Variants in ARMH1 observed in about 807,000 individuals in gnomAD.
ARMH1 encodes armadillo-like helical domain containing protein 1.
ARMH1 carries 34 observed loss-of-function variants against 50.2 expected under a neutral mutation model. The ratio of observed to expected loss-of-function variants is 0.68; its 90% CI spans 0.51 to 0.90. The LOEUF (loss-of-function observed/expected upper bound fraction) is 0.90, where lower values mean the gene tolerates loss of function less well. ARMH1 is among the 40% of genes least tolerant of loss of function. The probability of loss-of-function intolerance (pLI) is 0.00; values close to 1 mark genes in which losing one functional copy is unlikely to be tolerated. For synonymous variants in ARMH1, 221 were observed against 224.2 expected (o/e 0.99, Z 0.13); for missense variants, 538 against 553.9 (o/e 0.97, Z 0.29).
chr1:44,677,618 G>A (rs1021489134), intron 1 of ARMH1, among the ~76,000 whole-genome samples: 1 of 152,224 alleles, frequency 6.6e-6, no homozygotes, highest in African/African-American at 2.4e-5. Context: ...GGTCCACTGT[G>A]TGGCCGTGGG....
Position 44,724,815 on chromosome 1 carries a change from G to A in ARMH1, c.1104G>A (p.Gly368=). ...LVAEHVRKCM[G]EELYQLFLSN... is the part of the protein sequence containing the mutation. ...CGGAGCACGTGCGCAAGTGCATGGG[G>A]GAGGAACTCTACCAGCTCTTCCTGG... is the stretch of plus-strand genomic sequence containing the variant. Residue 368 remains glycine (G), a synonymous_variant, in exon 10 of 12, where the codon GGG becomes GGA. Transcript: ENST00000535358. This position sits in a 1 kb window ranked among gnomAD's most constrained non-coding sequence, Gnocchi z 6.4. 1.3e-6 allele frequency: 2 copies of A among 1,542,770 alleles called. No homozygotes were observed. Among genetic ancestry groups the A allele is most frequent in the Middle Eastern group, 1.8e-4 (1 of 5,672 alleles).
chr1:44,712,688 G>T (rs1250727897), intron 6 of ARMH1, among the ~76,000 whole-genome samples: 1 of 150,200 alleles, frequency 6.7e-6, no homozygotes, highest in Non-Finnish European at 1.5e-5. Flanking sequence ...TTTTGAGATG[G>T]AGTCTTGCTC....
intron 6 of ARMH1, chr1:44,721,739 G>T (rs564917891): frequency 4.6e-5 from 7 of 152,088 alleles, no homozygotes; most frequent in East Asian, 1.9e-4. Flanking sequence ...ACCTCCCAAA[G>T]CATGAAACAC....
intron 6 of ARMH1, among the ~76,000 whole-genome samples, chr1:44,707,696 A>G (rs1000171892): frequency 6.6e-6 from 1 of 152,210 alleles, no homozygotes; most frequent in African/African-American, 2.4e-5. Flanking sequence ...TGCTGGGATC[A>G]CAAGCGCAAG....
At chr1:44,723,851 G>GC (rs901844450) in intron 6 of ARMH1, 3 of 393,108 alleles carry the variant, frequency 7.6e-6, no homozygotes, top group Admixed American at 9.0e-5. Flanking sequence ...CAAGGCGAAG[G>GC]CCCCCCTCTC....
chr1:44,698,029 A>G (rs1233776771), intron 3 of ARMH1, 34 bp from the exon 4 acceptor site: 2 of 1,492,730 alleles, frequency 1.3e-6, no homozygotes, highest in Admixed American at 2.2e-5. Context: ...ACTTGACAAG[A>G]GTTTTATTTC....
chr1:44,710,486 G>A (rs1001997141), intron 6 of ARMH1, among the ~76,000 whole-genome samples: 2 of 151,628 alleles, frequency 1.3e-5, no homozygotes, highest in African/African-American at 4.8e-5. Context: ...GTGGGCGCCT[G>A]TAGTCTCAGC....
chr1:44,680,316 A>G (rs1337201112), intron 1 of ARMH1, among the ~76,000 whole-genome samples: 1 of 152,188 alleles, frequency 6.6e-6, no homozygotes, highest in African/African-American at 2.4e-5. Context: ...AGCTGGGACT[A>G]CAGGCGCGTG....
At chr1:44,688,247 T>A (rs1281525320) in intron 1 of ARMH1, 1 of 152,370 alleles carries the variant, frequency 6.6e-6, no homozygotes, top group Non-Finnish European at 1.5e-5. Flanking sequence ...ATTTCGTGGT[T>A]ATCTCCATCC....
intron 1 of ARMH1, among the ~76,000 whole-genome samples, chr1:44,678,585 C>T (rs1203625330): frequency 1.3e-5 from 2 of 152,098 alleles, no homozygotes; most frequent in African/African-American, 4.8e-5. Flanking sequence ...TAATGTTTCT[C>T]TCTCCCTATC....
chr1:44,705,238 T>A (rs61789887), intron 6 of ARMH1, among the ~76,000 whole-genome samples: 19,582 of 151,780 alleles, frequency 0.13, 1,591 homozygotes, highest in Admixed American at 0.21. Context: ...CGCCTGTAAT[T>A]CCACCATTTT....
chr1:44,708,184 C>T (rs531949520), intron 6 of ARMH1, among the ~76,000 whole-genome samples: 6 of 152,316 alleles, frequency 3.9e-5, no homozygotes, highest in South Asian at 2.1e-4. Context: ...AAAGTTCCTA[C>T]GGGTCCTACA....
At position 44,724,547 on chromosome 1, in the gene ARMH1, C is replaced by T. The variant is rs1647961872; in HGVS notation, c.929C>T (p.Ala310Val). ...AAAAKAIGVL[A>V]RNDMSIAEEL... ...CCGAACCCCCGGCCCAGGGTCCTGG[C>T]GCGCAACGACATGAGCATCGCCGAG... The change falls in exon 9 of 12, where the codon GCG becomes GTG. Residue 310 changes from alanine to valine, a missense_variant. Ala to Val is a moderately conservative substitution (Grantham distance 64). Coordinates refer to ENST00000535358, the MANE Select transcript of ARMH1 (RefSeq NM_001145636.2). This position sits in a 1 kb window ranked among gnomAD's most constrained non-coding sequence, Gnocchi z 6.4. The T allele has an allele frequency of 1.3e-6, 2 of 1,510,278 alleles. No individual in the cohort carries two copies. Among genetic ancestry groups the T allele is most frequent in the African/African-American group, 1.4e-5 (1 of 69,236 alleles). The allele number at this position is 1,510,278 out of a possible 1,614,324, so 93.6% of individuals were successfully genotyped here. A position where few individuals can be genotyped will look rare whatever the true frequency, so the allele number is the denominator to read the frequency against.
chr1:44,702,047 A>G (rs940798581), intron 5 of ARMH1, among the ~76,000 whole-genome samples: 3 of 151,982 alleles, frequency 2.0e-5, no homozygotes, highest in South Asian at 2.1e-4. Flanking sequence ...CGAGGCTGCA[A>G]TGAGCTATGA....
chr1:44,704,182 C>A lies in ARMH1; in HGVS notation c.724+9C>A. Reference sequence around the variant, plus strand: ...GGAAGTCCAGTATGAAGGTAGGGAGCCTCCAGATTGCAGAAGGGGGCACCG... The same window carrying A: ...GGAAGTCCAGTATGAAGGTAGGGAGACTCCAGATTGCAGAAGGGGGCACCG... On this transcript the variant is annotated intron_variant, in intron 6 of 11. Coordinates refer to ENST00000535358, the MANE Select transcript of ARMH1 (RefSeq NM_001145636.2). 6.5e-7 allele frequency: 1 copy of A among 1,549,248 alleles called. No individual in the cohort carries two copies. Among genetic ancestry groups the A allele is most frequent in the South Asian group, 1.2e-5 (1 of 83,994 alleles).
rs1337918152 is a variant in ARMH1 at position 44,683,893 on chromosome 1, C to T, written c.-22-5783C>T. Among the ~76,000 whole-genome samples the T allele has an allele frequency of 6.6e-6, 1 of 152,090 alleles. No homozygotes were observed. The highest frequency in any genetic ancestry group is 1.5e-5 in the Non-Finnish European group (1 of 68,028). ...TTAGGCAGGGTGCGGTGGCTCACAC[C>T]TGTAATTCCAGCACTTTGGGAGGCC... On this transcript the variant is annotated intron_variant, in intron 1 of 11. Transcript: ENST00000535358. The surrounding 1 kb of genome is among the most constrained non-coding windows in gnomAD (Gnocchi z 4.2).
At chr1:44,684,269 G>T (rs559262474) in intron 1 of ARMH1, 1 of 152,162 alleles carries the variant, frequency 6.6e-6, no homozygotes, top group African/African-American at 2.4e-5. Flanking sequence ...TAGTTAATGG[G>T]TCTTTTTTTA....
chr1:44,696,325 C>T lies in ARMH1; in HGVS notation c.207-777C>T, dbSNP rs544372016. Among the ~76,000 whole-genome samples the T allele has an allele frequency of 3.3e-5, 5 of 152,304 alleles. 1 individual carries two copies. The South Asian group carries it at 6.2e-4, about 19-fold the overall frequency. On this transcript the variant is annotated intron_variant, in intron 2 of 11. Coordinates refer to ENST00000535358, the MANE Select transcript of ARMH1 (RefSeq NM_001145636.2). ...CATTACCTCCAAACCATTACATTAG[C>T]CTTTATCAGCCTTGGAAGCTCTCAG...
At chr1:44,719,543 G>A (rs1397290542) in intron 6 of ARMH1, among the ~76,000 whole-genome samples, 3 of 152,248 alleles carry the variant, frequency 2.0e-5, no homozygotes, top group African/African-American at 4.8e-5. Context: ...CACACAGGAT[G>A]TGGCTGCTCC....
Sources: gnomAD v4.1 joint callset for allele counts (sites outside exome capture counted in the v4.1 genomes callset) on GRCh38, gnomAD v4.1.1 for gene constraint, Gnocchi (gnomAD v3.1) non-coding constraint, MANE v1.5 for transcripts, NCBI Gene and HGNC (gene_info 2026-07-23, HGNC 2026-07-21) for gene names.